The following RPL3 variants were observed in gnomAD, a reference collection of about 807,000 sequenced individuals.
RPL3 encodes the protein ribosomal protein L3.
RPL3 carries 3 observed loss-of-function variants against 46.0 expected under a neutral mutation model. That is an observed-to-expected ratio of 0.07 (90% confidence interval 0.03 to 0.17). The LOEUF is 0.17. RPL3 is among the 10% of genes least tolerant of loss of function. The pLI is 1.00. For synonymous variants in RPL3, 224 were observed against 190.8 expected, an observed-to-expected ratio of 1.17 and a Z score of -1.43; for missense variants, 387 against 532.7, an observed-to-expected ratio of 0.73 and a Z score of 2.69.
Position 39,314,161 on chromosome 22 carries a change from G to T in RPL3, c.897C>A (p.Ile299=). ...CATAGTCAGTGGAGGCATTGTTCTTGATCAGCTTGCCGTCCTTGATAAGGT... is the reference window on the plus strand; with the variant it reads ...CATAGTCAGTGGAGGCATTGTTCTTTATCAGCTTGCCGTCCTTGATAAGGT... The part of the protein sequence containing the change: ...QGYLIKDGKL[I]KNNASTDYDL... Residue 299 remains isoleucine (I), a synonymous_variant, in exon 7 of 10, where the codon ATC becomes ATA. Transcript: ENST00000216146. The T allele has an allele frequency of 1.2e-6, 2 of 1,613,580 alleles. No homozygotes were observed. Among genetic ancestry groups the T allele is most frequent in the Non-Finnish European group, 8.5e-7 (1 of 1,180,032 alleles).
chr22:39,314,832 A>G lies in RPL3; in HGVS notation c.703T>C (p.Trp235Arg). 1 of 1,613,526 alleles carries G rather than the reference A, an allele frequency of 6.2e-7. No homozygotes were observed. Among genetic ancestry groups the G allele is most frequent in the Non-Finnish European group, 8.5e-7 (1 of 1,179,824 alleles). The change falls in exon 6 of 10, where the codon TGG becomes CGG. Residue 235 changes from tryptophan (W) to arginine (R), a missense_variant. Trp to Arg is a moderately radical substitution (Grantham distance 101). This residue lies in a region of RPL3 where 48 missense variants were observed against 80.7 expected (regional missense o/e 0.60). Transcript: ENST00000216146. ...GKGYKGVTSR[W>R]HTKKLPRKTH... ...TTGCGGGGCAGCTTCTTGGTGTGCC[A>G]ACGACTGGTGACCCCTGGAATGGAT...
chr22:39,313,438 G>C (rs368844551), intron 8 of RPL3, 128 bp from the exon 9 acceptor site: 407 of 1,458,712 alleles, frequency 2.8e-4, no homozygotes, highest in Middle Eastern at 1.1e-3. Flanking sequence ...CGGCAGATGA[G>C]GACACACTCA....
intron 2 of RPL3, chr22:39,317,953 C>G (rs1167295410): frequency 5.3e-6 from 2 of 380,468 alleles, no homozygotes; most frequent in South Asian, 3.5e-5. Flanking sequence ...AGAGATTAGT[C>G]AGTATCAACT....
intron 7 of RPL3, 183 bp from the exon 8 acceptor site, chr22:39,313,912 T>C: frequency 1.2e-6 from 1 of 838,040 alleles, no homozygotes; most frequent in Non-Finnish European, 2.1e-6. Context: ...ACTGAACAGC[T>C]GAGCCTGAGA....
At chr22:39,317,211 T>TG in intron 3 of RPL3, 1 of 576,070 alleles carries the variant, frequency 1.7e-6, no homozygotes, top group Non-Finnish European at 3.1e-6. Flanking sequence ...GGTTTCTAGT[T>TG]GGACTCCTCA....
At chr22:39,314,064 G>A (rs776360736) in intron 7 of RPL3, 43 bp downstream of exon 7, 25 of 1,560,216 alleles carry the variant, frequency 1.6e-5, no homozygotes, top group African/African-American at 5.4e-5. Flanking sequence ...CCAAAAGCAC[G>A]AGGCCTGGGA....
Position 39,319,604 on chromosome 22 carries a change from A to C in RPL3, c.-7T>G, listed in dbSNP as rs544803996. The C allele has an allele frequency of 1.3e-6, 2 of 1,549,080 alleles. No homozygotes were observed. The highest frequency in any genetic ancestry group is 1.8e-6 in the Non-Finnish European group (2 of 1,142,300). On this transcript the variant is annotated 5_prime_UTR_variant, in exon 1 of 10. An upstream start codon of the reference 5' UTR is lost. Transcript: ENST00000216146. ...CCATTACAACACATACCATCACGCC[A>C]TCAAATCCCGCCGGTAGAGGCCGGT...
chr22:39,318,497 A>G lies in RPL3; in HGVS notation c.99T>C (p.Pro33=), dbSNP rs1352388590. ...SRHRGKVKSF[P]KDDPSKPVHL... is the part of the protein sequence containing the mutation. ...GGACCGGCTTGGACGGGTCATCCTTAGGGAAGCTCTTCACCTTCCCACGAT... is the reference window on the plus strand; with the variant it reads ...GGACCGGCTTGGACGGGTCATCCTTGGGGAAGCTCTTCACCTTCCCACGAT... Residue 33 remains proline (P), a synonymous_variant, in exon 2 of 10, where the codon CCT becomes CCC. Coordinates refer to ENST00000216146, the MANE Select transcript of RPL3 (RefSeq NM_000967.4). 2.5e-6 allele frequency: 4 copies of G among 1,613,834 alleles called. No homozygotes were observed. Among genetic ancestry groups the G allele is most frequent in the Non-Finnish European group, 3.4e-6 (4 of 1,179,920 alleles).
chr22:39,316,692 G>C lies in RPL3; in HGVS notation c.501+14C>G. 1 of 1,612,090 alleles carries C rather than the reference G, an allele frequency of 6.2e-7. No individual in the cohort carries two copies. The highest frequency in any genetic ancestry group is 8.5e-7 in the Non-Finnish European group (1 of 1,179,854). On this transcript the variant is annotated intron_variant, in intron 4 of 9. Coordinates refer to ENST00000216146, the MANE Select transcript of RPL3 (RefSeq NM_000967.4). ...TAAGTGGCAGGCCAAGCCACCCCGG[G>C]GCACTGGGCTCACCTGGGTGTGGGC...
At chr22:39,313,481 G>A (rs2146509746) in intron 8 of RPL3, 153 bp downstream of exon 8, 2 of 1,277,182 alleles carry the variant, frequency 1.6e-6, no homozygotes, top group South Asian at 1.4e-5. Context: ...GCCAGACTGG[G>A]AATTTCCTCA....
intron 1 of RPL3, chr22:39,318,975 G>A (rs1000169001): frequency 9.3e-6 from 5 of 537,788 alleles, no homozygotes; most frequent in African/African-American, 7.6e-5. Flanking sequence ...AGCTAGCAAT[G>A]TTAAGCTATA....
chr22:39,315,677 A>G (rs1347425932), intron 4 of RPL3, 122 bp from the exon 5 acceptor site: 4 of 1,150,236 alleles, frequency 3.5e-6, no homozygotes, highest in South Asian at 1.5e-5. Flanking sequence ...AACTCTGAAC[A>G]AGTCACTGAA....
intron 2 of RPL3, chr22:39,317,894 A>G (rs1340763182): frequency 1.0e-5 from 5 of 477,346 alleles, no homozygotes; most frequent in African/African-American, 1.9e-5. Context: ...GGCAGACAAG[A>G]TTGCTATTTA....
At position 39,314,790 on chromosome 22, in the gene RPL3, G is replaced by A. The variant is rs1922574200; in HGVS notation, c.745C>T (p.Arg249Cys). The A allele has an allele frequency of 3.1e-6, 5 of 1,613,706 alleles. No individual in the cohort carries two copies. Among genetic ancestry groups the A allele is most frequent in the Non-Finnish European group, 4.2e-6 (5 of 1,180,002 alleles). The change falls in exon 6 of 10, where the codon CGC becomes TGC. Residue 249 changes from arginine (R) to cysteine (C), a missense_variant. By Grantham distance (180) the Arg-to-Cys change is radical (BLOSUM62 -3). This residue lies in a region of RPL3 where 4 missense variants were observed against 25.6 expected (regional missense o/e 0.16). Transcript: ENST00000216146. Reference sequence around the variant, plus strand: ...CATGCCCCAATACAGGCCACCTTGCGCAGGCCTCGGTGGGTCTTGCGGGGC... The same window carrying A: ...CATGCCCCAATACAGGCCACCTTGCACAGGCCTCGGTGGGTCTTGCGGGGC... ...KLPRKTHRGL[R>C]KVACIGAWHP...
At chr22:39,317,053 T>TAC (rs1217453751) in intron 3 of RPL3, 1 of 699,674 alleles carries the variant, frequency 1.4e-6, no homozygotes, top group Non-Finnish European at 2.4e-6. Flanking sequence ...TAATTTAAGT[T>TAC]ACACGCATTC....
At chr22:39,316,626 T>G (rs1218143967) in intron 4 of RPL3, 80 bp downstream of exon 4, 5 of 1,580,334 alleles carry the variant, frequency 3.2e-6, no homozygotes, top group Non-Finnish European at 4.3e-6. Context: ...CCCATAAGCG[T>G]GCGGGCACGG....
Position 39,318,507 on chromosome 22 carries a change from T to A in RPL3, c.89A>T (p.Lys30Met). Residue 30 changes from lysine (K) to methionine (M), a missense_variant, in exon 2 of 10, where the codon AAG becomes ATG. Lys to Met is a moderately conservative substitution (Grantham distance 95, BLOSUM62 -1). Transcript: ENST00000216146. ...KRSSRHRGKV[K>M]SFPKDDPSKP... ...GGACGGGTCATCCTTAGGGAAGCTCTTCACCTTCCCACGATGCCTGCTGCT... is the reference window on the plus strand; with the variant it reads ...GGACGGGTCATCCTTAGGGAAGCTCATCACCTTCCCACGATGCCTGCTGCT... The A allele has an allele frequency of 6.2e-7, 1 of 1,613,848 alleles. No homozygotes were observed. The highest frequency in any genetic ancestry group is 8.5e-7 in the Non-Finnish European group (1 of 1,179,788).
chr22:39,318,131 T>C (rs1922817660), intron 2 of RPL3: 1 of 451,800 alleles, frequency 2.2e-6, no homozygotes, highest in Non-Finnish European at 4.0e-6. Flanking sequence ...TAGTGTTAAC[T>C]TCTCTTTGCT....
rs1297390300 is a variant in RPL3, at chr22:39,319,407, G to GCGC, written c.3+187_3+188insGCG. 4 of 780,268 alleles carry GCGC rather than the reference G, an allele frequency of 5.1e-6. No homozygotes were observed. The African/African-American group carries it at 7.0e-5, about 14-fold the overall frequency. 48.3% of individuals were successfully genotyped at this position (780,268 alleles called of 1,614,324 possible). A position where few individuals can be genotyped will look rare whatever the true frequency, so the allele number is the denominator to read the frequency against. ...TGGCCGACCTGCAGGCCCAAAGCCA[G>GCGC]TCCTCCAAGCGCTCTTCACAAGCCT... On this transcript the variant is annotated intron_variant, in intron 1 of 9. Coordinates refer to ENST00000216146, the MANE Select transcript of RPL3 (RefSeq NM_000967.4).
Sources: allele counts gnomAD v4.1 joint callset, GRCh38; gene constraint gnomAD v4.1.1; regional missense constraint gnomAD v4.1.1; transcripts MANE v1.5; gene names NCBI Gene and HGNC (gene_info 2026-07-23, HGNC 2026-07-21).